Variants in GAK observed in about 807,000 individuals in gnomAD.
GAK encodes the protein cyclin G associated kinase.
A neutral mutation model predicts 143.9 loss-of-function variants in GAK; 79 were observed. The observed-to-expected ratio is 0.55, with a 90% CI of 0.46 to 0.66. The LOEUF (loss-of-function observed/expected upper bound fraction) is 0.66. Ranked by LOEUF, GAK falls within the 30% of genes least tolerant of loss-of-function variation. The pLI, the probability that GAK is intolerant of heterozygous loss-of-function variation, is 0.00. For synonymous variants in GAK, 881 were observed against 765.5 expected, an observed-to-expected ratio of 1.15 and a Z score of -2.49; for missense variants, 1,693 against 1,779.7, an observed-to-expected ratio of 0.95 and a Z score of 0.88.
chr4:906,535 C>A (rs1721115934), intron 4 of GAK, among the ~76,000 whole-genome samples: 1 of 152,138 alleles, frequency 6.6e-6, no homozygotes, highest in Admixed American at 6.5e-5. Context: ...CCTATGCAGC[C>A]CCCACAGACG....
At chr4:849,831 A>AGGGGGGGG in intron 27 of GAK, 57 bp from the exon 28 acceptor site, 13 of 998,944 alleles carry the variant, frequency 1.3e-5, no homozygotes, top group African/African-American at 2.1e-5. Flanking sequence ...CGGGCGGGGC[A>AGGGGGGGG]GGACCCCCCC....
chr4:867,283 G>A lies in GAK; in HGVS notation c.2545C>T (p.Pro849Ser), dbSNP rs950804522. The A allele has an allele frequency of 6.2e-7, 1 of 1,612,976 alleles. No individual in the cohort carries two copies. Among genetic ancestry groups the A allele is most frequent in the Non-Finnish European group, 8.5e-7 (1 of 1,179,486 alleles). ...ACCAGCCCTGCTGCCAGGCCGGGGGGCTCTGGGTCGGCCCTGGGTTCCTGG... is the reference window on the plus strand; with the variant it reads ...ACCAGCCCTGCTGCCAGGCCGGGGGACTCTGGGTCGGCCCTGGGTTCCTGG... ...EGQEPRADPEPPGLAAGLVQQ... is the reference protein window; with the variant it reads ...EGQEPRADPESPGLAAGLVQQ... The change falls in exon 21 of 28, where the codon CCC (proline) becomes TCC (serine). Residue 849 changes from proline to serine, a missense_variant. Physicochemically the swap from Pro to Ser is moderately conservative, Grantham distance 74 (BLOSUM62 -1). Transcript: ENST00000314167.
chr4:868,473 C>T (rs1711540139), intron 20 of GAK, 66 bp downstream of exon 20: 9 of 1,556,802 alleles, frequency 5.8e-6, no homozygotes, highest in South Asian at 2.3e-5. Context: ...CTTGCCCTGC[C>T]CCAGGGGCAC....
chr4:875,024 C>G (rs1245303805), intron 18 of GAK, among the ~76,000 whole-genome samples: 2 of 152,194 alleles, frequency 1.3e-5, no homozygotes, highest in African/African-American at 4.8e-5. Flanking sequence ...TCACATCTGT[C>G]TCCTTTTTAT....
chr4:909,945 C>T (rs1201803152), intron 4 of GAK, among the ~76,000 whole-genome samples: 4 of 152,224 alleles, frequency 2.6e-5, no homozygotes, highest in African/African-American at 9.6e-5. Flanking sequence ...CCCCAACCCC[C>T]GAGACTTCTC....
intron 22 of GAK, among the ~76,000 whole-genome samples, chr4:866,137 C>T (rs1751122478): frequency 6.6e-6 from 1 of 152,256 alleles, no homozygotes; most frequent in African/African-American, 2.4e-5. Context: ...TGCAGGGCCC[C>T]ACAACCTGTT....
At chr4:900,072 G>A (rs374886239) in intron 5 of GAK, among the ~76,000 whole-genome samples, 1 of 152,266 alleles carries the variant, frequency 6.6e-6, no homozygotes, top group Non-Finnish European at 1.5e-5. Context: ...AGCACACAGC[G>A]GGGAGATGCA....
chr4:851,589 A>C, intron 25 of GAK, 161 bp downstream of exon 25: 1 of 685,658 alleles, frequency 1.5e-6, no homozygotes, highest in Non-Finnish European at 2.5e-6. Context: ...CCAGAGAGAG[A>C]CCAGTGAACA....
At position 877,716 on chromosome 4, in the gene GAK, C is replaced by T. The variant is rs746490850; in HGVS notation, c.1755G>A (p.Val585=). The part of the protein sequence containing the change: ...ILVRAVVMTP[V]PLFSKQRSGC... ...CGCTCCTCTGCTTGCTGAACAGCGGCACGGGTGTCATGACCACGGCCCTCA... is the reference window on the plus strand; with the variant it reads ...CGCTCCTCTGCTTGCTGAACAGCGGTACGGGTGTCATGACCACGGCCCTCA... Residue 585 remains valine, a synonymous_variant, in exon 16 of 28, where the codon GTG becomes GTA. Coordinates refer to ENST00000314167, the MANE Select transcript of GAK (RefSeq NM_005255.4). The T allele has an allele frequency of 8.1e-6, 13 of 1,613,378 alleles. No homozygotes were observed. Among genetic ancestry groups the T allele is most frequent in the Non-Finnish European group, 1.0e-5 (12 of 1,179,966 alleles).
At chr4:879,441 G>T (rs1488215966) in intron 15 of GAK, among the ~76,000 whole-genome samples, 1 of 152,186 alleles carries the variant, frequency 6.6e-6, no homozygotes, top group African/African-American at 2.4e-5. Context: ...TCTTGACAAG[G>T]TTTATGTTTT....
At chr4:889,507 C>T (rs538187800) in intron 10 of GAK, among the ~76,000 whole-genome samples, 10 of 152,292 alleles carry the variant, frequency 6.6e-5, no homozygotes, top group South Asian at 4.1e-4. Flanking sequence ...CAGGCAGCAC[C>T]GAGCAGATGG....
At chr4:877,898 G>A in intron 15 of GAK, 89 bp from the exon 16 acceptor site, 2 of 1,185,790 alleles carry the variant, frequency 1.7e-6, no homozygotes, top group Non-Finnish European at 2.3e-6. Flanking sequence ...AGTTTTTCAT[G>A]CTAGAAATTT....
intron 5 of GAK, among the ~76,000 whole-genome samples, chr4:901,470 C>A (rs560183143): frequency 6.6e-6 from 1 of 152,232 alleles, no homozygotes. Flanking sequence ...TAGGCACCCA[C>A]GAGCAGACGC....
chr4:897,205 C>G (rs1433090293), intron 6 of GAK, among the ~76,000 whole-genome samples: 2 of 152,232 alleles, frequency 1.3e-5, no homozygotes, highest in African/African-American at 2.4e-5. Context: ...GCTGCAGATT[C>G]ACAGGAGAGC....
intron 4 of GAK, among the ~76,000 whole-genome samples, chr4:906,608 G>A (rs1416117021): frequency 6.6e-6 from 1 of 152,094 alleles, no homozygotes; most frequent in Non-Finnish European, 1.5e-5. Flanking sequence ...ACTTCAGCTG[G>A]CCACAGTCCA....
chr4:870,980 C>T lies in GAK; in HGVS notation c.2055-76G>A, dbSNP rs922526140. 28 of 1,316,576 alleles carry T rather than the reference C, an allele frequency of 2.1e-5. 1 individual carries two copies. Among genetic ancestry groups the T allele is most frequent in the South Asian group, 1.7e-4 (12 of 69,606 alleles). 81.6% of individuals were successfully genotyped at this position (1,316,576 alleles called of 1,614,324 possible). ...AGTCCTTGGACATTCACTAAAGAAA[C>T]GTGCATGGAAACAGGTGGCAGCTGC... On this transcript the variant is annotated intron_variant, in intron 18 of 27. Coordinates refer to ENST00000314167, the MANE Select transcript of GAK (RefSeq NM_005255.4).
rs758201639 is a variant in GAK, at chr4:882,672, G to A, written c.1527+25C>T. On this transcript the variant is annotated intron_variant, in intron 14 of 27. Coordinates refer to ENST00000314167, the MANE Select transcript of GAK (RefSeq NM_005255.4). ...ATAATGAACTTTGACAGAAGACGGC[G>A]CCAGCCCACGGCCCTCGAGCTCACC... The A allele has an allele frequency of 1.5e-5, 24 of 1,607,158 alleles. No individual in the cohort carries two copies. The African/African-American group carries it at 2.5e-4, about 17-fold the overall frequency.
chr4:926,482 A>T (rs1724764500), intron 1 of GAK, among the ~76,000 whole-genome samples: 1 of 152,214 alleles, frequency 6.6e-6, no homozygotes, highest in Admixed American at 6.5e-5. Flanking sequence ...TAATCTCTGC[A>T]AACGTCACTT....
In GAK at chr4:856,583, C is replaced by CCACCACAGCTGCTCACAGCTGCT. The variant is rs1749297277; in HGVS notation, c.3283+3022_3283+3023insAGCAGCTGTGAGCAGCTGTGGTG. ...CACAGCTGCTCACCACAGCTGCTCA[C>CCACCACAGCTGCTCACAGCTGCT]CACCACAGGTGCTCACAGCTGCTCA... On this transcript the variant is annotated intron_variant, in intron 24 of 27. Transcript: ENST00000314167. Among the ~76,000 whole-genome samples the CCACCACAGCTGCTCACAGCTGCT allele has an allele frequency of 9.5e-5, 7 of 73,488 alleles. No homozygotes were observed. The South Asian group carries it at 2.4e-3, about 26-fold the overall frequency. The allele number at this position is 73,488 out of a possible 152,430, so 48.2% of individuals were successfully genotyped here.
Sources: allele counts gnomAD v4.1 joint callset (sites outside exome capture counted in the v4.1 genomes callset), GRCh38; gene constraint gnomAD v4.1.1; transcripts MANE v1.5; gene names NCBI Gene and HGNC (gene_info 2026-07-23, HGNC 2026-07-21).